SLC25A21: variants seen among roughly 807,000 people sequenced by gnomAD.
SLC25A21 encodes the protein solute carrier family 25 member 21.
SLC25A21 carries 47 observed loss-of-function variants against 43.8 expected under a neutral mutation model. The observed-to-expected ratio is 1.07, with a 90% CI of 0.85 to 1.37. The LOEUF (loss-of-function observed/expected upper bound fraction) is 1.37, where lower values mean the gene tolerates loss of function less well. SLC25A21 is among the 40% of genes most tolerant of loss of function. The probability of loss-of-function intolerance (pLI) is 0.00; values close to 1 mark genes in which losing one functional copy is unlikely to be tolerated. For missense variants in SLC25A21, 352 were observed against 350.2 expected (o/e 1.00, Z -0.04); for synonymous variants, 131 against 121.3 (o/e 1.08, Z -0.52).
chr14:37,109,725 C>T (rs890002149), intron 1 of SLC25A21, among the ~76,000 whole-genome samples: 1 of 152,068 alleles, frequency 6.6e-6, no homozygotes, highest in Admixed American at 6.6e-5. Flanking sequence ...TGTCATGATT[C>T]CTAAGGCGTC....
intron 6 of SLC25A21, among the ~76,000 whole-genome samples, chr14:36,724,688 T>A (rs1349993902): frequency 6.6e-6 from 1 of 152,166 alleles, no homozygotes; most frequent in Non-Finnish European, 1.5e-5. Context: ...CACCAAGGAA[T>A]GCTGTCTGCA....
At position 36,900,774 on chromosome 14, in the gene SLC25A21, G is replaced by A. The variant is rs907471093; in HGVS notation, c.71-25770C>T. ...TTTATAAAGTATTTATCATGTCAGG[G>A]AAGGTGTGCAGAAATAGGGAAGACA... is the stretch of plus-strand genomic sequence containing the variant. On this transcript the variant is annotated intron_variant, in intron 1 of 9. Coordinates refer to ENST00000331299, the MANE Select transcript of SLC25A21 (RefSeq NM_030631.4). Among the ~76,000 whole-genome samples the A allele has an allele frequency of 4.6e-5, 7 of 152,308 alleles. No individual in the cohort carries two copies. In the South Asian group the frequency reaches 6.2e-4, roughly 14 times the overall value.
rs1322311021 is a variant in SLC25A21, at chr14:36,768,387, C to T, written c.204-33814G>A. Among the ~76,000 whole-genome samples the T allele has an allele frequency of 3.3e-5, 5 of 152,294 alleles. No individual in the cohort carries two copies. In the East Asian group the frequency reaches 5.8e-4, roughly 18 times the overall value. On this transcript the variant is annotated intron_variant, in intron 3 of 9. Transcript: ENST00000331299. ...ACCAGAATTGGTAAGCTGACAATGA[C>T]TTGAGTTTGATTACCAATTTTTTTA...
chr14:37,020,170 G>A (rs747955747), intron 1 of SLC25A21, among the ~76,000 whole-genome samples: 3 of 151,902 alleles, frequency 2.0e-5, no homozygotes, highest in African/African-American at 4.8e-5. Context: ...AATAAAACTC[G>A]ATGTAGTTAA....
chr14:36,855,153 GTAGT>G (rs1432316974), intron 2 of SLC25A21, among the ~76,000 whole-genome samples: 2 of 152,186 alleles, frequency 1.3e-5, no homozygotes, highest in Middle Eastern at 3.4e-3. Flanking sequence ...CCATGGCTTG[GTAGT>G]TTGTTCTGAG....
At chr14:37,130,194 T>G (rs1196339735) in intron 1 of SLC25A21, among the ~76,000 whole-genome samples, 1 of 151,854 alleles carries the variant, frequency 6.6e-6, no homozygotes, top group Non-Finnish European at 1.5e-5. Flanking sequence ...AGCCCAGGAG[T>G]TAGAGGCTGC....
intron 3 of SLC25A21, among the ~76,000 whole-genome samples, chr14:36,735,901 T>C (rs771083747): frequency 2.2e-4 from 33 of 150,670 alleles, no homozygotes; most frequent in Admixed American, 6.6e-4. Context: ...GATCAAATTA[T>C]TCTCTGATAT....
At chr14:36,816,106 T>C (rs1375979578) in intron 2 of SLC25A21, among the ~76,000 whole-genome samples, 1 of 151,928 alleles carries the variant, frequency 6.6e-6, no homozygotes, top group Admixed American at 6.6e-5. Flanking sequence ...ATGGGCAGAG[T>C]GAGTGTGGTA....
At chr14:36,844,814 G>C (rs1367432624) in intron 2 of SLC25A21, among the ~76,000 whole-genome samples, 1 of 152,208 alleles carries the variant, frequency 6.6e-6, no homozygotes, top group Non-Finnish European at 1.5e-5. Context: ...TTTAATGAAT[G>C]CTGGTCATTT....
At chr14:36,804,688 A>C (rs1887977098) in intron 3 of SLC25A21, among the ~76,000 whole-genome samples, 1 of 152,204 alleles carries the variant, frequency 6.6e-6, no homozygotes, top group African/African-American at 2.4e-5. Flanking sequence ...AAAATCATGA[A>C]ACCAGCCCAA....
chr14:36,845,240 A>G (rs1432634061), intron 2 of SLC25A21, among the ~76,000 whole-genome samples: 2 of 152,198 alleles, frequency 1.3e-5, no homozygotes, highest in Non-Finnish European at 2.9e-5. Context: ...CTGAAGAATT[A>G]GGCATGGATT....
chr14:36,775,784 C>G (rs1283461197), intron 3 of SLC25A21, among the ~76,000 whole-genome samples: 1 of 152,172 alleles, frequency 6.6e-6, no homozygotes, highest in African/African-American at 2.4e-5. Context: ...GATTTAAGTT[C>G]TTCCACTTTG....
At chr14:37,057,112 T>A (rs906981013) in intron 1 of SLC25A21, among the ~76,000 whole-genome samples, 6 of 152,236 alleles carry the variant, frequency 3.9e-5, no homozygotes, top group Admixed American at 2.0e-4. Flanking sequence ...GAATGCATTA[T>A]CATTTTCTTC....
chr14:36,805,312 G>T (rs1454364802), intron 3 of SLC25A21, among the ~76,000 whole-genome samples: 1 of 152,174 alleles, frequency 6.6e-6, no homozygotes, highest in East Asian at 1.9e-4. Context: ...GGGAGTCGGA[G>T]TGTGAGTGTC....
chr14:37,135,031 G>A (rs1361478565), intron 1 of SLC25A21, among the ~76,000 whole-genome samples: 2 of 151,734 alleles, frequency 1.3e-5, no homozygotes, highest in South Asian at 2.1e-4. Flanking sequence ...AGGTTCAAGC[G>A]ATTCTCCTGC....
intron 2 of SLC25A21, among the ~76,000 whole-genome samples, chr14:36,825,178 G>A (rs548755935): frequency 6.6e-6 from 1 of 152,236 alleles, no homozygotes; most frequent in East Asian, 1.9e-4. Flanking sequence ...AAGTGTTTAA[G>A]TGCGTACTGA....
intron 6 of SLC25A21, among the ~76,000 whole-genome samples, chr14:36,724,357 G>T (rs1884499313): frequency 1.3e-5 from 2 of 152,288 alleles, no homozygotes; most frequent in Admixed American, 1.3e-4. Context: ...CTGAGAAACT[G>T]CCAGGAAGCT....
intron 1 of SLC25A21, among the ~76,000 whole-genome samples, chr14:37,098,890 C>T (rs1259697586): frequency 3.8e-4 from 58 of 151,726 alleles, no homozygotes. Flanking sequence ...GCAGCCTCCA[C>T]CTCCTGGGTT....
intron 2 of SLC25A21, among the ~76,000 whole-genome samples, chr14:36,825,774 T>A (rs533745474): frequency 1.3e-5 from 2 of 152,312 alleles, no homozygotes; most frequent in Non-Finnish European, 2.9e-5. Flanking sequence ...TTAAACATAA[T>A]GCATGCTTTT....
Sources: allele counts gnomAD v4.1 joint callset (sites outside exome capture counted in the v4.1 genomes callset), GRCh38; gene constraint gnomAD v4.1.1; transcripts MANE v1.5; gene names NCBI Gene and HGNC (gene_info 2026-07-23, HGNC 2026-07-21).